Variants in CRYBA1 observed in about 807,000 individuals in gnomAD.
The protein encoded by CRYBA1 is beta-crystallin A3.
In CRYBA1, 25 loss-of-function variants were observed where a neutral mutation model predicts 36.2. The ratio of observed to expected loss-of-function variants is 0.69; its 90% confidence interval spans 0.50 to 0.97. The LOEUF is 0.97. Ranked by LOEUF, CRYBA1 falls within the 50% of genes least tolerant of loss-of-function variation. CRYBA1 has a pLI of 0.00. For synonymous variants in CRYBA1, 111 were observed against 90.0 expected (o/e 1.23, Z -1.32); for missense variants, 224 against 276.3 (o/e 0.81, Z 1.34).
rs370626964 is a variant in CRYBA1 at position 29,253,044 on chromosome 17, G to A, written c.358-596G>A. 1.6e-3 allele frequency among the ~76,000 whole-genome samples: 241 copies of A among 152,292 alleles called. 1 individual carries two copies. The South Asian group carries it at 0.022, about 14-fold the overall frequency. ...AGACCCTAAGTGAATATTCTCATGA[G>A]TTTTTGAAAAATATATAGATCCATG... On this transcript the variant is annotated intron_variant, in intron 4 of 5. Coordinates refer to ENST00000225387, the MANE Select transcript of CRYBA1 (RefSeq NM_005208.5).
Position 29,250,178 on chromosome 17 carries a change from T to A in CRYBA1, c.97-4T>A, listed in dbSNP as rs539354404. The A allele has an allele frequency of 4.0e-6, 6 of 1,515,566 alleles. No homozygotes were observed. The highest frequency in any genetic ancestry group is 5.5e-6 in the Non-Finnish European group (6 of 1,090,148). The allele number at this position is 1,515,566 out of a possible 1,614,324, so 93.9% of individuals were successfully genotyped here. A position where few individuals can be genotyped will look rare whatever the true frequency, so the allele number is the denominator to read the frequency against. On this transcript the variant is annotated splice_polypyrimidine_tract_variant and splice_region_variant and intron_variant, in intron 2 of 5. Transcript: ENST00000225387. ...CTCTCTTGCGCCATTCAATCTCATTTCAGATAACCATCTATGATCAGGAGA... is the reference window on the plus strand; with the variant it reads ...CTCTCTTGCGCCATTCAATCTCATTACAGATAACCATCTATGATCAGGAGA...
chr17:29,252,713 C>A (rs2068943644), intron 4 of CRYBA1, among the ~76,000 whole-genome samples: 1 of 152,118 alleles, frequency 6.6e-6, no homozygotes, highest in Admixed American at 6.6e-5. Context: ...TGTTTCTGGT[C>A]TTTGGAAACA....
intron 3 of CRYBA1, 46 bp from the exon 4 acceptor site, chr17:29,252,018 A>AT: frequency 6.2e-7 from 1 of 1,613,962 alleles, no homozygotes; most frequent in Non-Finnish European, 8.5e-7. Context: ...CCCCAAGGCC[A>AT]TATAGGCTTT....
intron 4 of CRYBA1, among the ~76,000 whole-genome samples, chr17:29,252,953 A>C (rs965955848): frequency 2.6e-5 from 4 of 152,236 alleles, no homozygotes; most frequent in African/African-American, 9.6e-5. Context: ...AAATTATTTC[A>C]ATCTCACTTT....
intron 3 of CRYBA1, among the ~76,000 whole-genome samples, chr17:29,250,567 A>G (rs1431075965): frequency 6.6e-6 from 1 of 152,104 alleles, no homozygotes; most frequent in Non-Finnish European, 1.5e-5. Context: ...AGTAATCAAA[A>G]TTTTGCTTCT....
intron 1 of CRYBA1, among the ~76,000 whole-genome samples, chr17:29,247,885 G>A (rs1348807478): frequency 5.3e-5 from 8 of 152,230 alleles, no homozygotes; most frequent in Admixed American, 5.2e-4. Context: ...GGGAGGCCAA[G>A]GCGGGCAGAT....
chr17:29,246,999 G>T, intron 1 of CRYBA1, 105 bp downstream of exon 1: 1 of 1,302,994 alleles, frequency 7.7e-7, no homozygotes, highest in South Asian at 1.3e-5. Flanking sequence ...AGCCTTCTAG[G>T]GTGGCTGGAG....
At chr17:29,248,365 T>C (rs1459956444) in intron 1 of CRYBA1, among the ~76,000 whole-genome samples, 1 of 151,400 alleles carries the variant, frequency 6.6e-6, no homozygotes, top group Admixed American at 6.6e-5. Context: ...CCTTGTTTTT[T>C]TTCTTTTTTT....
intron 1 of CRYBA1, among the ~76,000 whole-genome samples, chr17:29,248,734 G>C (rs1347928906): frequency 6.6e-6 from 1 of 151,916 alleles, no homozygotes; most frequent in Non-Finnish European, 1.5e-5. Context: ...GCTCAGGCTG[G>C]GCGCGGTGGA....
rs575902875 is a variant in CRYBA1, at chr17:29,252,868, A to G, written c.357+663A>G. ...TGGTTAATAATCTCATCTTGGTTCAAAGTCTTGCCAAAATTCAACTGGTGG... is the reference window on the plus strand; with the variant it reads ...TGGTTAATAATCTCATCTTGGTTCAGAGTCTTGCCAAAATTCAACTGGTGG... On this transcript the variant is annotated intron_variant, in intron 4 of 5. Coordinates refer to ENST00000225387, the MANE Select transcript of CRYBA1 (RefSeq NM_005208.5). Among the ~76,000 whole-genome samples the G allele has an allele frequency of 7.2e-5, 11 of 152,324 alleles. No individual in the cohort carries two copies. The East Asian group carries it at 7.7e-4, about 11-fold the overall frequency.
At chr17:29,252,822 T>A (rs540612199) in intron 4 of CRYBA1, among the ~76,000 whole-genome samples, 1 of 152,246 alleles carries the variant, frequency 6.6e-6, no homozygotes, top group Non-Finnish European at 1.5e-5. Context: ...ATTCAGTCTA[T>A]GTGAGAGTTT....
rs779219163 is a variant in CRYBA1, at chr17:29,253,644, A to G, written c.362A>G (p.His121Arg). Reference sequence around the variant, plus strand: ...AAAACAATTTCTGAATTACAGAATCATAAGGAGTCTAAGATGACCATCTTT... The same window carrying G: ...AAAACAATTTCTGAATTACAGAATCGTAAGGAGTCTAAGATGACCATCTTT... ...MSFRPICSANHKESKMTIFEK... is the reference protein window; with the variant it reads ...MSFRPICSANRKESKMTIFEK... The change falls in exon 5 of 6, where the codon CAT (histidine) becomes CGT (arginine). Residue 121 changes from histidine (H) to arginine (R), a missense_variant. Coordinates refer to ENST00000225387, the MANE Select transcript of CRYBA1 (RefSeq NM_005208.5). 1 of 1,612,804 alleles carries G rather than the reference A, an allele frequency of 6.2e-7. No individual in the cohort carries two copies. Among genetic ancestry groups the G allele is most frequent in the Non-Finnish European group, 8.5e-7 (1 of 1,178,738 alleles).
At chr17:29,252,513 T>A (rs532241273) in intron 4 of CRYBA1, among the ~76,000 whole-genome samples, 1 of 152,156 alleles carries the variant, frequency 6.6e-6, no homozygotes, top group East Asian at 1.9e-4. Context: ...AAAAAGTAAA[T>A]CCTTGGCCAG....
intron 2 of CRYBA1, 67 bp from the exon 3 acceptor site, chr17:29,250,115 G>T: frequency 1.1e-6 from 1 of 888,748 alleles, no homozygotes; most frequent in East Asian, 2.4e-5. Context: ...CTGAAGTTAA[G>T]CTGTTGACCT....
At chr17:29,253,547 G>T (rs762776319) in intron 4 of CRYBA1, 93 bp from the exon 5 acceptor site, 30 of 1,057,784 alleles carry the variant, frequency 2.8e-5, no homozygotes, top group Non-Finnish European at 3.7e-5. Flanking sequence ...GTGCTTCCTT[G>T]TATAATCCAA....
intron 4 of CRYBA1, among the ~76,000 whole-genome samples, chr17:29,252,702 A>G (rs1318738207): frequency 6.6e-6 from 1 of 152,188 alleles, no homozygotes; most frequent in African/African-American, 2.4e-5. Context: ...TCAGGCTGGG[A>G]TGTTTCTGGT....
intron 4 of CRYBA1, among the ~76,000 whole-genome samples, chr17:29,253,039 C>T (rs2068945762): frequency 6.6e-6 from 1 of 152,328 alleles, no homozygotes; most frequent in African/African-American, 2.4e-5. Context: ...TGAATATTCT[C>T]ATGAGTTTTT....
At chr17:29,253,341 A>G (rs1369832483) in intron 4 of CRYBA1, among the ~76,000 whole-genome samples, 1 of 152,228 alleles carries the variant, frequency 6.6e-6, no homozygotes, top group African/African-American at 2.4e-5. Flanking sequence ...CTTTTTTCAC[A>G]TTAGTGAATA....
At position 29,253,691 on chromosome 17, in the gene CRYBA1, C is replaced by T. The variant is rs776335383; in HGVS notation, c.409C>T (p.Arg137Cys). The T allele has an allele frequency of 8.7e-6, 14 of 1,613,722 alleles. No homozygotes were observed. In the African/African-American group the frequency reaches 1.1e-4, roughly 12 times the overall value. The change falls in exon 5 of 6, where the codon CGC (arginine) becomes TGC (cysteine). Residue 137 changes from arginine to cysteine, a missense_variant. Physicochemically the swap from Arg to Cys is radical, Grantham distance 180. Coordinates refer to ENST00000225387, the MANE Select transcript of CRYBA1 (RefSeq NM_005208.5). ...CTTTGAGAAGGAAAACTTTATTGGACGCCAGTGGGAGATCTCTGACGACTA... is the reference window on the plus strand; with the variant it reads ...CTTTGAGAAGGAAAACTTTATTGGATGCCAGTGGGAGATCTCTGACGACTA... ...TIFEKENFIG[R>C]QWEISDDYPS... is the part of the protein sequence containing the mutation.
Sources: allele counts gnomAD v4.1 joint callset (sites outside exome capture counted in the v4.1 genomes callset), GRCh38; gene constraint gnomAD v4.1.1; transcripts MANE v1.5; gene names NCBI Gene and HGNC (gene_info 2026-07-23, HGNC 2026-07-21).